CCDC141: variants seen among roughly 807,000 people sequenced by gnomAD.
CCDC141 encodes the protein coiled-coil domain containing 141, also known as coiled-coil domain-containing protein 141.
In CCDC141, 168 loss-of-function variants were observed where a neutral mutation model predicts 181.0. The ratio of observed to expected loss-of-function variants is 0.93; its 90% CI spans 0.82 to 1.05. The LOEUF (loss-of-function observed/expected upper bound fraction) is 1.05, where lower values mean the gene tolerates loss of function less well. Among genes scored for constraint, CCDC141 ranks in the 50% least tolerant of loss-of-function variants. The pLI is 0.00. For synonymous variants in CCDC141, 666 were observed against 642.3 expected (o/e 1.04, Z -0.56); for missense variants, 1,902 against 1,788.5 (o/e 1.06, Z -1.14).
chr2:178,878,167 AG>A (rs1558948688), intron 11 of CCDC141, 24 bp from the exon 12 acceptor site: 1 of 1,531,538 alleles, frequency 6.5e-7, no homozygotes, highest in East Asian at 2.3e-5. Flanking sequence ...AAGAGAGTTA[AG>A]AACACTTAAA....
intron 5 of CCDC141, among the ~76,000 whole-genome samples, chr2:178,959,777 G>C (rs1429629255): frequency 6.6e-6 from 1 of 152,158 alleles, no homozygotes; most frequent in Non-Finnish European, 1.5e-5. Flanking sequence ...ATGCAAGCAG[G>C]AGAATAAATG....
intron 4 of CCDC141, among the ~76,000 whole-genome samples, chr2:178,968,584 A>C (rs1436642701): frequency 6.6e-6 from 1 of 152,230 alleles, no homozygotes; most frequent in Non-Finnish European, 1.5e-5. Flanking sequence ...ACACATTTAA[A>C]GCAGTGAGTA....
intron 2 of CCDC141, among the ~76,000 whole-genome samples, chr2:179,018,728 C>G (rs62175990): frequency 0.086 from 13,101 of 152,128 alleles, 758 homozygotes; most frequent in Admixed American, 0.17. Flanking sequence ...CTCTTTGGTA[C>G]AATTGTGAGT....
chr2:178,837,643 C>T lies in CCDC141; in HGVS notation c.3576G>A (p.Gln1192=). Residue 1192 remains glutamine (Q), a synonymous_variant, in exon 23 of 24, where the codon CAG becomes CAA. Coordinates refer to ENST00000443758, the MANE Select transcript of CCDC141 (RefSeq NM_173648.4). Reference sequence around the variant, plus strand: ...GCATGTCTTCAGGCAGGAGCAGGTCCTGGACGCCACCCTCCTTGTCAGTGG... The same window carrying T: ...GCATGTCTTCAGGCAGGAGCAGGTCTTGGACGCCACCCTCCTTGTCAGTGG... ...KVSTDKEGGV[Q]DLLLPEDMLS... The T allele has an allele frequency of 6.2e-7, 1 of 1,614,060 alleles. No homozygotes were observed. Among genetic ancestry groups the T allele is most frequent in the Non-Finnish European group, 8.5e-7 (1 of 1,179,962 alleles).
chr2:178,895,089 C>T (rs1687343367), intron 8 of CCDC141, among the ~76,000 whole-genome samples: 1 of 152,020 alleles, frequency 6.6e-6, no homozygotes, highest in South Asian at 2.1e-4. Flanking sequence ...ACCTGCTTAC[C>T]GTTATATTGT....
chr2:179,010,520 T>C (rs1029764540), intron 2 of CCDC141, among the ~76,000 whole-genome samples: 2 of 152,074 alleles, frequency 1.3e-5, no homozygotes, highest in Non-Finnish European at 2.9e-5. Context: ...AAAACAATTA[T>C]CAGCCAAGAA....
At chr2:178,970,051 A>G (rs1324960199) in intron 4 of CCDC141, among the ~76,000 whole-genome samples, 1 of 152,234 alleles carries the variant, frequency 6.6e-6, no homozygotes, top group African/African-American at 2.4e-5. Flanking sequence ...ATACCTAGGA[A>G]TCCAACTTAC....
At chr2:179,004,707 C>T (rs1010145910) in intron 2 of CCDC141, among the ~76,000 whole-genome samples, 1 of 152,114 alleles carries the variant, frequency 6.6e-6, no homozygotes, top group African/African-American at 2.4e-5. Flanking sequence ...AAAATGCTTC[C>T]TAAATAAAGA....
intron 18 of CCDC141, 83 bp from the exon 19 acceptor site, chr2:178,855,624 G>A: frequency 5.4e-6 from 5 of 926,434 alleles, no homozygotes; most frequent in Non-Finnish European, 7.7e-6. Flanking sequence ...AGAAAAACTG[G>A]TAAAAATTTT....
At chr2:178,979,155 C>A (rs1338364207) in intron 2 of CCDC141, among the ~76,000 whole-genome samples, 4 of 151,940 alleles carry the variant, frequency 2.6e-5, no homozygotes, top group Non-Finnish European at 5.9e-5. Flanking sequence ...CCAGAATAGT[C>A]ATAATTTAAA....
At chr2:178,908,592 TTAGTGCATG>T (rs1184040574) in intron 7 of CCDC141, among the ~76,000 whole-genome samples, 2 of 152,188 alleles carry the variant, frequency 1.3e-5, no homozygotes, top group Non-Finnish European at 1.5e-5. Flanking sequence ...TATATGTGAA[TTAGTGCATG>T]TAGTAACACA....
At chr2:178,996,009 T>G (rs1692271951) in intron 2 of CCDC141, among the ~76,000 whole-genome samples, 1 of 152,184 alleles carries the variant, frequency 6.6e-6, no homozygotes, top group South Asian at 2.1e-4. Flanking sequence ...TATTAAAAGT[T>G]TTAGATTCTA....
chr2:178,883,645 G>T (rs1686732384), intron 11 of CCDC141, among the ~76,000 whole-genome samples: 1 of 152,088 alleles, frequency 6.6e-6, no homozygotes, highest in South Asian at 2.1e-4. Context: ...ACTTATCTTG[G>T]GTTGGCTCTA....
chr2:179,006,406 G>A (rs1455150517), intron 2 of CCDC141, among the ~76,000 whole-genome samples: 1 of 152,202 alleles, frequency 6.6e-6, no homozygotes, highest in Non-Finnish European at 1.5e-5. Flanking sequence ...GTTTTCATAT[G>A]AAAGTGTTCA....
chr2:178,879,843 C>T (rs185505950), intron 11 of CCDC141, among the ~76,000 whole-genome samples: 1 of 152,310 alleles, frequency 6.6e-6, no homozygotes, highest in East Asian at 1.9e-4. Flanking sequence ...GTGTGAAACA[C>T]TAGCTGTGAA....
chr2:178,999,785 C>T (rs1028836386), intron 2 of CCDC141, among the ~76,000 whole-genome samples: 5 of 151,988 alleles, frequency 3.3e-5, no homozygotes, highest in Non-Finnish European at 7.4e-5. Flanking sequence ...CTCACCTATC[C>T]TTGAACAACT....
At chr2:178,966,298 C>T (rs751079909) in intron 4 of CCDC141, among the ~76,000 whole-genome samples, 1 of 152,198 alleles carries the variant, frequency 6.6e-6, no homozygotes, top group Non-Finnish European at 1.5e-5. Context: ...CAAGTGGGTC[C>T]CTGACCCCTG....
At chr2:178,965,839 C>T (rs1490155886) in intron 4 of CCDC141, among the ~76,000 whole-genome samples, 2 of 152,196 alleles carry the variant, frequency 1.3e-5, no homozygotes, top group East Asian at 3.8e-4. Flanking sequence ...TTCCCACCCC[C>T]AGAGAGCCCA....
chr2:178,979,882 G>C (rs12469182), intron 2 of CCDC141, among the ~76,000 whole-genome samples: 1 of 151,722 alleles, frequency 6.6e-6, no homozygotes, highest in Non-Finnish European at 1.5e-5. Flanking sequence ...GTAATAATAA[G>C]GCTACTACAT....
Sources: allele counts gnomAD v4.1 joint callset (sites outside exome capture counted in the v4.1 genomes callset), GRCh38; gene constraint gnomAD v4.1.1; transcripts MANE v1.5; gene names NCBI Gene and HGNC (gene_info 2026-07-23, HGNC 2026-07-21).